The following PIK3R1 variants were observed in gnomAD, a reference collection of about 807,000 sequenced individuals.
PIK3R1 encodes phosphoinositide-3-kinase regulatory subunit 1, also known as phosphatidylinositol 3-kinase regulatory subunit alpha.
Under a neutral mutation model 98.0 loss-of-function variants are expected in PIK3R1, and 29 were observed. The ratio of observed to expected loss-of-function variants is 0.30; its 90% CI spans 0.22 to 0.40. The LOEUF is 0.40. Among genes scored for constraint, PIK3R1 ranks in the 10% least tolerant of loss-of-function variants. The probability of loss-of-function intolerance (pLI) is 1.00; values close to 1 mark genes in which losing one functional copy is unlikely to be tolerated. For missense variants in PIK3R1, 596 were observed against 872.7 expected, an observed-to-expected ratio of 0.68 and a Z score of 3.99; for synonymous variants, 282 against 311.8, an observed-to-expected ratio of 0.90 and a Z score of 1.01.
At chr5:68,218,408 T>C (rs758792453) in intron 1 of PIK3R1, among the ~76,000 whole-genome samples, 4 of 152,092 alleles carry the variant, frequency 2.6e-5, no homozygotes, top group Non-Finnish European at 5.9e-5. Flanking sequence ...ATTGAACATA[T>C]CAACCTAAAT....
At chr5:68,270,947 T>G (rs1746329978) in intron 2 of PIK3R1, among the ~76,000 whole-genome samples, 1 of 152,238 alleles carries the variant, frequency 6.6e-6, no homozygotes, top group Non-Finnish European at 1.5e-5. Context: ...TTAATTGGAC[T>G]GTGAAACCTT....
intron 5 of PIK3R1, 27 bp from the exon 6 acceptor site, chr5:68,280,501 T>C: frequency 7.6e-6 from 11 of 1,453,882 alleles, no homozygotes; most frequent in Non-Finnish European, 1.0e-5. Context: ...TACTCATTTC[T>C]CTTTTTTTTT....
chr5:68,295,754 A>AATATTTTTGGAACAGTC, intron 14 of PIK3R1: 1 of 510,852 alleles, frequency 2.0e-6, no homozygotes, highest in East Asian at 3.2e-5. Context: ...AAAATCCCAA[A>AATATTTTTGGAACAGTC]ATATTTTTGG....
chr5:68,276,451 G>T (rs933740311), intron 4 of PIK3R1, among the ~76,000 whole-genome samples: 2 of 152,198 alleles, frequency 1.3e-5, no homozygotes, highest in East Asian at 1.9e-4. Context: ...TCCATTCCAG[G>T]GGGAGGGAGG....
chr5:68,262,428 A>G (rs1027009465), intron 2 of PIK3R1, among the ~76,000 whole-genome samples: 2 of 145,728 alleles, frequency 1.4e-5, no homozygotes, highest in East Asian at 2.0e-4. Flanking sequence ...ACACACATAC[A>G]CTACATATAT....
chr5:68,264,786 C>T (rs1426109874), intron 2 of PIK3R1, among the ~76,000 whole-genome samples: 1 of 152,164 alleles, frequency 6.6e-6, no homozygotes. Flanking sequence ...GGACCTTGGG[C>T]AAGTTGTGGC....
At chr5:68,227,095 TCTGGGCAGAAGTTAC>T in intron 2 of PIK3R1, 86 bp downstream of exon 2, 1 of 1,260,600 alleles carries the variant, frequency 7.9e-7, no homozygotes, top group Non-Finnish European at 1.1e-6. Context: ...GTCGTTATGT[TCTGGGCAGAAGTTAC>T]CTTGGCAACT....
intron 2 of PIK3R1, among the ~76,000 whole-genome samples, chr5:68,234,830 A>C (rs1185144127): frequency 6.6e-6 from 1 of 152,180 alleles, no homozygotes; most frequent in African/African-American, 2.4e-5. Context: ...ACAAGGCTGC[A>C]TTGTGAAGTC....
intron 2 of PIK3R1, among the ~76,000 whole-genome samples, chr5:68,254,126 G>C (rs567327361): frequency 2.3e-4 from 35 of 152,104 alleles, no homozygotes; most frequent in African/African-American, 8.2e-4. Flanking sequence ...AGTCAGTGTT[G>C]GAGCAAACTT....
chr5:68,265,159 C>T (rs1022924555), intron 2 of PIK3R1, among the ~76,000 whole-genome samples: 1 of 152,118 alleles, frequency 6.6e-6, no homozygotes, highest in Non-Finnish European at 1.5e-5. Context: ...AATGCAGAAT[C>T]CCAGACTGCA....
rs150146070 is a variant in PIK3R1 at position 68,228,016 on chromosome 5, G to A, written c.334+1007G>A. On this transcript the variant is annotated intron_variant, in intron 2 of 15. Transcript: ENST00000521381. ...GCTGTTATCAGCTTTGTCAAATACC[G>A]GTTTCCTCACTAGTAAATCACACGC... Among the ~76,000 whole-genome samples, 591 of 152,176 alleles carry A rather than the reference G, an allele frequency of 3.9e-3. 4 individuals carry two copies. Among genetic ancestry groups the A allele is most frequent in the African/African-American group, 8.1e-3 (335 of 41,496 alleles).
intron 4 of PIK3R1, among the ~76,000 whole-genome samples, chr5:68,279,258 C>A (rs1746716524): frequency 6.6e-6 from 1 of 152,074 alleles, no homozygotes; most frequent in African/African-American, 2.4e-5. Context: ...GGTAGGTAAC[C>A]ACTGAAGATG....
intron 1 of PIK3R1, among the ~76,000 whole-genome samples, chr5:68,223,464 T>G (rs1463184258): frequency 6.6e-6 from 1 of 151,990 alleles, no homozygotes; most frequent in East Asian, 1.9e-4. Context: ...AATGGATGGA[T>G]GCCCTGTTTG....
At chr5:68,216,940 A>C (rs1304105126) in intron 1 of PIK3R1, among the ~76,000 whole-genome samples, 3 of 152,086 alleles carry the variant, frequency 2.0e-5, no homozygotes, top group Non-Finnish European at 2.9e-5. Flanking sequence ...AATGTGTGTC[A>C]ACTGGGTTTG....
At chr5:68,219,297 T>A (rs948578892) in intron 1 of PIK3R1, among the ~76,000 whole-genome samples, 2 of 152,202 alleles carry the variant, frequency 1.3e-5, no homozygotes, top group Admixed American at 6.5e-5. Flanking sequence ...GCACCTGTAG[T>A]CAAAATAGTT....
At chr5:68,220,877 A>G (rs149979105) in intron 1 of PIK3R1, among the ~76,000 whole-genome samples, 149 of 152,350 alleles carry the variant, frequency 9.8e-4, no homozygotes, top group African/African-American at 3.3e-3. Flanking sequence ...CATCATTTCA[A>G]ATTGAAGGCA....
intron 2 of PIK3R1, among the ~76,000 whole-genome samples, chr5:68,272,617 C>G (rs1746409185): frequency 6.6e-6 from 1 of 152,114 alleles, no homozygotes; most frequent in Non-Finnish European, 1.5e-5. Context: ...TGAGTGTCAT[C>G]CAGTTAGATT....
chr5:68,228,569 T>G (rs565978025), intron 2 of PIK3R1, among the ~76,000 whole-genome samples: 9 of 152,224 alleles, frequency 5.9e-5, no homozygotes, highest in Non-Finnish European at 8.8e-5. Flanking sequence ...AGATTGAAGA[T>G]ACATACGTAA....
At chr5:68,230,696 A>G (rs1744432084) in intron 2 of PIK3R1, among the ~76,000 whole-genome samples, 1 of 152,238 alleles carries the variant, frequency 6.6e-6, no homozygotes. Flanking sequence ...CCAAGTGAGT[A>G]GAGGGGCTGT....
Sources: gnomAD v4.1 joint callset for allele counts (sites outside exome capture counted in the v4.1 genomes callset) on GRCh38, gnomAD v4.1.1 for gene constraint, MANE v1.5 for transcripts, NCBI Gene and HGNC (gene_info 2026-07-23, HGNC 2026-07-21) for gene names.